Variants in NRG1 observed in about 807,000 individuals in gnomAD.
NRG1 encodes neuregulin 1.
A neutral mutation model predicts 63.8 loss-of-function variants in NRG1; 18 were observed. The ratio of observed to expected loss-of-function variants is 0.28; its 90% confidence interval spans 0.19 to 0.42. The LOEUF (loss-of-function observed/expected upper bound fraction) is 0.42, where lower values mean the gene tolerates loss of function less well. Among genes scored for constraint, NRG1 ranks in the 10% least tolerant of loss-of-function variants. The pLI is 1.00. For missense variants in NRG1, 762 were observed against 814.7 expected (o/e 0.94, Z 0.79); for synonymous variants, 302 against 301.3 (o/e 1.00, Z -0.02).
chr8:32,627,511 T>A (rs1849508959), intron 5 of NRG1, among the ~76,000 whole-genome samples: 1 of 152,186 alleles, frequency 6.6e-6, no homozygotes, highest in Non-Finnish European at 1.5e-5. Context: ...GGTCTTACTA[T>A]GTTGCCCAGA....
intron 5 of NRG1, among the ~76,000 whole-genome samples, chr8:32,671,009 AG>A (rs1805508090): frequency 6.6e-6 from 1 of 152,192 alleles, no homozygotes; most frequent in African/African-American, 2.4e-5. Context: ...GATTTCTGTT[AG>A]CCCCAGGAAT....
intron 1 of NRG1, among the ~76,000 whole-genome samples, chr8:31,825,552 C>T (rs1824465337): frequency 6.6e-6 from 1 of 152,026 alleles, no homozygotes; most frequent in Non-Finnish European, 1.5e-5. Flanking sequence ...GAGGTCAGGA[C>T]TATTGTTTTC....
intron 1 of NRG1, among the ~76,000 whole-genome samples, chr8:32,257,404 T>G (rs2129471218): frequency 6.6e-6 from 1 of 152,310 alleles, no homozygotes. Context: ...CCATATTTCT[T>G]TTATTGGAAA....
At chr8:32,468,783 A>T in intron 1 of NRG1, among the ~76,000 whole-genome samples, 1 of 150,814 alleles carries the variant, frequency 6.6e-6, no homozygotes. Context: ...TGGGAGAGGG[A>T]CTACTAATGT....
At chr8:32,419,298 T>A (rs1023371696) in intron 1 of NRG1, among the ~76,000 whole-genome samples, 15 of 152,210 alleles carry the variant, frequency 9.9e-5, no homozygotes, top group African/African-American at 2.7e-4. Flanking sequence ...CTTGTTAATA[T>A]CTCCATACTG....
chr8:32,158,996 G>A (rs1563852764), intron 1 of NRG1, among the ~76,000 whole-genome samples: 2 of 152,064 alleles, frequency 1.3e-5, no homozygotes, highest in African/African-American at 2.4e-5. Flanking sequence ...GTGGATTAGA[G>A]GGAGTCATCG....
intron 5 of NRG1, chr8:32,647,346 G>C (rs781258378): frequency 4.1e-6 from 4 of 985,348 alleles, no homozygotes; most frequent in Non-Finnish European, 4.8e-6. Context: ...TCAGATGCTC[G>C]AGGTGAGAAA....
At chr8:32,299,691 A>T (rs933262250) in intron 1 of NRG1, among the ~76,000 whole-genome samples, 1 of 152,204 alleles carries the variant, frequency 6.6e-6, no homozygotes, top group African/African-American at 2.4e-5. Context: ...GTAGAAAGCA[A>T]AGGAGGCGCA....
At chr8:31,939,245 G>A (rs934454883) in intron 1 of NRG1, among the ~76,000 whole-genome samples, 12 of 152,198 alleles carry the variant, frequency 7.9e-5, no homozygotes, top group Non-Finnish European at 1.5e-4. Context: ...GAAGAGATTG[G>A]GGTCCTATTC....
chr8:31,925,710 ATCT>A (rs5890606), intron 1 of NRG1, among the ~76,000 whole-genome samples: 115,125 of 151,264 alleles, frequency 0.76, 45,732 homozygotes, highest in Non-Finnish European at 0.89. Flanking sequence ...TTATTAATTA[ATCT>A]TCTTCTTCTG....
chr8:32,180,091 T>C (rs1304361949), intron 1 of NRG1, among the ~76,000 whole-genome samples: 1 of 152,180 alleles, frequency 6.6e-6, no homozygotes, highest in Non-Finnish European at 1.5e-5. Context: ...TTTTGTCAGG[T>C]AAAAATGTTT....
chr8:31,922,493 C>G (rs1394083137), intron 1 of NRG1, among the ~76,000 whole-genome samples: 1 of 152,108 alleles, frequency 6.6e-6, no homozygotes. Context: ...TAGCAGGAGA[C>G]ATTATGGAAA....
intron 5 of NRG1, chr8:32,721,888 T>C: frequency 7.0e-7 from 1 of 1,434,968 alleles, no homozygotes; most frequent in Non-Finnish European, 9.1e-7. Context: ...ACCTAAGCAT[T>C]TTTTTCCCCA....
chr8:31,740,837 G>A (rs191790779), intron 1 of NRG1, among the ~76,000 whole-genome samples: 2 of 151,920 alleles, frequency 1.3e-5, no homozygotes, highest in Non-Finnish European at 2.9e-5. Context: ...TCTGAGATGG[G>A]AAGTGTTTCG....
intron 3 of NRG1, among the ~76,000 whole-genome samples, chr8:32,610,379 A>ACTTT (rs1310180565): frequency 6.6e-6 from 1 of 152,190 alleles, no homozygotes; most frequent in Non-Finnish European, 1.5e-5. Context: ...GAAGCTGTTT[A>ACTTT]CTTTCTCCCC....
chr8:32,667,220 CAT>C (rs536028169), intron 5 of NRG1, among the ~76,000 whole-genome samples: 98 of 152,206 alleles, frequency 6.4e-4, no homozygotes, highest in Non-Finnish European at 2.2e-4. Flanking sequence ...TATATGTAAA[CAT>C]ATCTAAACAG....
intron 1 of NRG1, among the ~76,000 whole-genome samples, chr8:32,259,832 T>C (rs1403175087): frequency 6.6e-6 from 1 of 152,204 alleles, no homozygotes; most frequent in Non-Finnish European, 1.5e-5. Context: ...TATGTGGACT[T>C]TTATGAGGGC....
At chr8:32,611,726 A>G (rs559434081) in intron 3 of NRG1, among the ~76,000 whole-genome samples, 101 of 152,218 alleles carry the variant, frequency 6.6e-4, no homozygotes, top group African/African-American at 2.4e-3. Context: ...TCACTTGATC[A>G]AAATTTTTGT....
At chr8:32,107,295 A>G (rs1002789581) in intron 1 of NRG1, among the ~76,000 whole-genome samples, 6 of 152,212 alleles carry the variant, frequency 3.9e-5, no homozygotes, top group African/African-American at 1.2e-4. Flanking sequence ...GGCATATACA[A>G]AAATAATACA....
Sources: gnomAD v4.1 joint callset for allele counts (sites outside exome capture counted in the v4.1 genomes callset) on GRCh38, gnomAD v4.1.1 for gene constraint, MANE v1.5 for transcripts, NCBI Gene and HGNC (gene_info 2026-07-23, HGNC 2026-07-21) for gene names.